The following DOCK2 variants were observed in gnomAD, a reference collection of about 807,000 sequenced individuals.
The protein encoded by DOCK2 is dedicator of cytokinesis protein 2.
Under a neutral mutation model 248.9 loss-of-function variants are expected in DOCK2, and 87 were observed. The observed-to-expected ratio is 0.35, with a 90% CI of 0.29 to 0.42. The LOEUF is 0.42. Among genes scored for constraint, DOCK2 ranks in the 10% least tolerant of loss-of-function variants. The pLI, the probability that DOCK2 is intolerant of heterozygous loss-of-function variation, is 1.00. For missense variants in DOCK2, 1,747 were observed against 2,300.2 expected (o/e 0.76, Z 4.92); for synonymous variants, 805 against 821.6 (o/e 0.98, Z 0.35).
chr5:169,866,601 C>G (rs1400928160), intron 27 of DOCK2, among the ~76,000 whole-genome samples: 1 of 152,200 alleles, frequency 6.6e-6, no homozygotes, highest in Non-Finnish European at 1.5e-5. Context: ...GACAATCTCC[C>G]TGGCCTCCTG....
At chr5:169,881,649 GC>G (rs2113502253) in intron 27 of DOCK2, among the ~76,000 whole-genome samples, 1 of 152,306 alleles carries the variant, frequency 6.6e-6, no homozygotes, top group East Asian at 1.9e-4. Context: ...GATTTCTCAA[GC>G]TGAGAGTTTT....
At chr5:169,899,698 C>T (rs1773810935) in intron 27 of DOCK2, among the ~76,000 whole-genome samples, 1 of 152,138 alleles carries the variant, frequency 6.6e-6, no homozygotes, top group Admixed American at 6.5e-5. Context: ...ATGGTATTGC[C>T]ATCCAAAGTG....
intron 1 of DOCK2, among the ~76,000 whole-genome samples, chr5:169,648,037 C>T (rs1757570258): frequency 6.6e-6 from 1 of 152,094 alleles, no homozygotes; most frequent in Non-Finnish European, 1.5e-5. Flanking sequence ...TCTTCCAACT[C>T]TGTAGTGTGT....
intron 38 of DOCK2, among the ~76,000 whole-genome samples, chr5:170,045,075 C>T (rs923409853): frequency 6.6e-5 from 10 of 151,960 alleles, no homozygotes; most frequent in Non-Finnish European, 4.4e-5. Flanking sequence ...ATGGAGAAGA[C>T]CTACTATTAA....
rs141969552 is a variant in DOCK2 at position 169,676,751 on chromosome 5, G to C, written c.470+2306G>C. Among the ~76,000 whole-genome samples, 1,361 of 152,278 alleles carry C rather than the reference G, an allele frequency of 8.9e-3. 9 individuals carry two copies. The highest frequency in any genetic ancestry group is 0.017 in the Middle Eastern group (5 of 294). ...GCACAAAGTGGAACTGAACCTTGGA[G>C]GAGTGATCAGAATGAGCTTGTTTCT... On this transcript the variant is annotated intron_variant, in intron 6 of 51. Transcript: ENST00000520908.
At chr5:169,846,215 A>C (rs931498537) in intron 27 of DOCK2, among the ~76,000 whole-genome samples, 1 of 152,024 alleles carries the variant, frequency 6.6e-6, no homozygotes, top group Non-Finnish European at 1.5e-5. Flanking sequence ...GCTGGTTGCA[A>C]CTCTCATTCT....
At chr5:169,970,463 G>A (rs1777462779) in intron 27 of DOCK2, among the ~76,000 whole-genome samples, 1 of 152,202 alleles carries the variant, frequency 6.6e-6, no homozygotes, top group South Asian at 2.1e-4. Flanking sequence ...GAAGGTCAGG[G>A]GACTGCTGTT....
chr5:169,984,835 G>A (rs889367007), intron 28 of DOCK2, among the ~76,000 whole-genome samples: 5 of 152,206 alleles, frequency 3.3e-5, no homozygotes, highest in Non-Finnish European at 5.9e-5. Context: ...TTTGCCTAAA[G>A]TACACTGGTG....
At chr5:169,732,016 A>G (rs388030) in intron 22 of DOCK2, among the ~76,000 whole-genome samples, 48,424 of 151,614 alleles carry the variant, frequency 0.32, 11,468 homozygotes, top group African/African-American at 0.66. Flanking sequence ...CTACTCGGGA[A>G]GCTGAGGCAG....
At chr5:169,876,188 C>T (rs1000648290) in intron 27 of DOCK2, among the ~76,000 whole-genome samples, 1 of 152,214 alleles carries the variant, frequency 6.6e-6, no homozygotes, top group Non-Finnish European at 1.5e-5. Context: ...CTTGTGATTA[C>T]ACTGGGCCCA....
chr5:169,952,509 A>G (rs1776702615), intron 27 of DOCK2, among the ~76,000 whole-genome samples: 1 of 152,036 alleles, frequency 6.6e-6, no homozygotes, highest in African/African-American at 2.4e-5. Flanking sequence ...CTCCCCACAC[A>G]TGGGATCTGA....
chr5:169,708,143 C>A (rs199792939), intron 14 of DOCK2, 26 bp from the exon 15 acceptor site: 8 of 1,609,586 alleles, frequency 5.0e-6, no homozygotes, highest in Non-Finnish European at 6.8e-6. Flanking sequence ...GTAGTCTTTT[C>A]CCTCACTTTG....
At chr5:169,769,147 G>A (rs959038292) in intron 25 of DOCK2, among the ~76,000 whole-genome samples, 2 of 152,166 alleles carry the variant, frequency 1.3e-5, no homozygotes, top group African/African-American at 4.8e-5. Context: ...ACTTTGTGCT[G>A]TGGCAACTTA....
chr5:169,850,882 G>T (rs1770587236), intron 27 of DOCK2, among the ~76,000 whole-genome samples: 1 of 152,216 alleles, frequency 6.6e-6, no homozygotes, highest in South Asian at 2.1e-4. Flanking sequence ...AAGGCTTGGT[G>T]CATTTTAAGT....
At chr5:170,008,222 CAACA>C (rs1275695435) in intron 30 of DOCK2, among the ~76,000 whole-genome samples, 12 of 49,156 alleles carry the variant, frequency 2.4e-4, no homozygotes, top group African/African-American at 3.5e-4. Context: ...ACAACAACAA[CAACA>C]AAAAAAAAAA....
chr5:169,807,917 A>G (rs904108305), intron 26 of DOCK2, among the ~76,000 whole-genome samples: 6 of 151,770 alleles, frequency 4.0e-5, no homozygotes, highest in African/African-American at 1.5e-4. Context: ...TTTCAAACAC[A>G]TTAATTTGTA....
chr5:170,050,377 T>C lies in DOCK2; in HGVS notation c.4193T>C (p.Val1398Ala), dbSNP rs576343036. 17 of 1,614,014 alleles carry C rather than the reference T, an allele frequency of 1.1e-5. No individual in the cohort carries two copies. In the African/African-American group the frequency reaches 1.9e-4, roughly 18 times the overall value. Residue 1398 changes from valine to alanine, a missense_variant, in exon 41 of 52, where the codon GTG becomes GCG. This residue lies in a region of DOCK2 where 513 missense variants were observed against 586.1 expected (regional missense o/e 0.88). Transcript: ENST00000520908. ...ACCACCTCTGCCCCGGGAGATGATG[T>C]GAAGAATGCCCCAGGCCAGTGTATC... ...MNTTSAPGDD[V>A]KNAPGQYIQC...
chr5:169,745,906 G>T (rs970417972), intron 22 of DOCK2, among the ~76,000 whole-genome samples: 1 of 152,190 alleles, frequency 6.6e-6, no homozygotes, highest in Non-Finnish European at 1.5e-5. Context: ...CGGGGTGGGG[G>T]TGAGTTAGCA....
chr5:169,933,723 G>T (rs1382362863), intron 27 of DOCK2, among the ~76,000 whole-genome samples: 1 of 152,104 alleles, frequency 6.6e-6, no homozygotes, highest in African/African-American at 2.4e-5. Context: ...CAGTTTTGGG[G>T]TCAGACACCC....
Sources: gnomAD v4.1 joint callset for allele counts (sites outside exome capture counted in the v4.1 genomes callset) on GRCh38, gnomAD v4.1.1 for gene constraint, gnomAD v4.1.1 regional missense constraint, MANE v1.5 for transcripts, NCBI Gene and HGNC (gene_info 2026-07-23, HGNC 2026-07-21) for gene names.